Variants in NTM observed in about 807,000 individuals in gnomAD.
The protein encoded by NTM is IgLON family member 2.
A neutral mutation model predicts 42.1 loss-of-function variants in NTM; 13 were observed. That is an observed-to-expected ratio of 0.31 (90% confidence interval 0.20 to 0.49). NTM has a LOEUF of 0.49. NTM is among the 20% of genes least tolerant of loss of function. NTM has a pLI of 0.99. For synonymous variants in NTM, 187 were observed against 179.2 expected (o/e 1.04, Z -0.35); for missense variants, 373 against 452.8 (o/e 0.82, Z 1.60).
At chr11:131,548,401 C>T (rs1385265279) in intron 1 of NTM, among the ~76,000 whole-genome samples, 1 of 152,054 alleles carries the variant, frequency 6.6e-6, no homozygotes, top group East Asian at 1.9e-4. Flanking sequence ...TTTTAAAAAG[C>T]CTATCTCCCT....
At chr11:131,517,825 A>G (rs1023828257) in intron 1 of NTM, among the ~76,000 whole-genome samples, 2 of 151,908 alleles carry the variant, frequency 1.3e-5, no homozygotes, top group South Asian at 4.2e-4. Context: ...TTGCTTTCTC[A>G]TTACCCACCC....
intron 1 of NTM, among the ~76,000 whole-genome samples, chr11:131,391,696 G>A (rs938055027): frequency 7.3e-5 from 11 of 151,180 alleles, no homozygotes; most frequent in African/African-American, 2.2e-4. Flanking sequence ...GATTGGGTGC[G>A]GGAGGAGAGG....
At chr11:132,285,660 C>CTA (rs1450723867) in intron 4 of NTM, among the ~76,000 whole-genome samples, 2 of 152,152 alleles carry the variant, frequency 1.3e-5, no homozygotes, top group Non-Finnish European at 2.9e-5. Context: ...ATCAAATTGG[C>CTA]AATATGAGTT....
chr11:132,191,296 G>A (rs2079279291), intron 3 of NTM, among the ~76,000 whole-genome samples: 1 of 152,124 alleles, frequency 6.6e-6, no homozygotes, highest in Non-Finnish European at 1.5e-5. Context: ...CAGTGATCTG[G>A]GAGCACCTCG....
intron 1 of NTM, among the ~76,000 whole-genome samples, chr11:131,509,249 C>CAG (rs2047929248): frequency 1.3e-5 from 2 of 152,070 alleles, no homozygotes; most frequent in Non-Finnish European, 2.9e-5. Context: ...TTTGGGGTTG[C>CAG]TTATGGGCTA....
chr11:131,476,353 G>T (rs1952940106), intron 1 of NTM, among the ~76,000 whole-genome samples: 1 of 152,194 alleles, frequency 6.6e-6, no homozygotes, highest in Admixed American at 6.5e-5. Context: ...GTAGCAGCAG[G>T]ACCCCAGCTA....
intron 1 of NTM, among the ~76,000 whole-genome samples, chr11:131,836,895 T>C (rs1364119531): frequency 6.6e-6 from 1 of 152,158 alleles, no homozygotes; most frequent in Non-Finnish European, 1.5e-5. Context: ...GTCAGTTTGA[T>C]TTTGCTCCTG....
intron 2 of NTM, among the ~76,000 whole-genome samples, chr11:131,917,877 C>T (rs189360503): frequency 7.7e-4 from 117 of 152,166 alleles, no homozygotes; most frequent in African/African-American, 2.7e-3. Flanking sequence ...GTTGAGGAGC[C>T]AAAAACTAAA....
Position 131,973,553 on chromosome 11 carries a change from C to A in NTM, c.167+61905C>A, listed in dbSNP as rs185270323. Among the ~76,000 whole-genome samples the A allele has an allele frequency of 3.0e-3, 455 of 152,350 alleles. 1 individual carries two copies. The highest frequency in any genetic ancestry group is 6.4e-3 in the South Asian group (31 of 4,826). On this transcript the variant is annotated intron_variant, in intron 2 of 8. Coordinates refer to ENST00000683400, the MANE Select transcript of NTM (RefSeq NM_001352005.2). Reference sequence around the variant, plus strand: ...AACTGGCACAGGCCAGGCGCTGTGGCTCATGCCGATAATCCCAGCACCTTG... The same window carrying A: ...AACTGGCACAGGCCAGGCGCTGTGGATCATGCCGATAATCCCAGCACCTTG...
chr11:132,061,799 G>A (rs1251172514), intron 2 of NTM, among the ~76,000 whole-genome samples: 3 of 152,094 alleles, frequency 2.0e-5, no homozygotes, highest in Admixed American at 1.3e-4. Flanking sequence ...TGTGCCAGAA[G>A]GGTCACAAAC....
At chr11:131,515,238 T>G (rs1024293835) in intron 1 of NTM, among the ~76,000 whole-genome samples, 36 of 152,050 alleles carry the variant, frequency 2.4e-4, no homozygotes, top group Admixed American at 2.3e-3. Context: ...ATTCTGGATT[T>G]GTACCAAGAA....
intron 3 of NTM, among the ~76,000 whole-genome samples, chr11:132,152,331 GA>G (rs1335937395): frequency 3.3e-5 from 5 of 152,110 alleles, no homozygotes; most frequent in Non-Finnish European, 5.9e-5. Context: ...GATCCAATTC[GA>G]AATAGACTGA....
At chr11:132,138,243 A>ACC (rs2068333308) in intron 2 of NTM, among the ~76,000 whole-genome samples, 1 of 152,204 alleles carries the variant, frequency 6.6e-6, no homozygotes. Flanking sequence ...ACAAAAAGAT[A>ACC]AAGCATGGAC....
intron 1 of NTM, among the ~76,000 whole-genome samples, chr11:131,386,013 T>C (rs1157206803): frequency 6.6e-6 from 1 of 152,204 alleles, no homozygotes; most frequent in Non-Finnish European, 1.5e-5. Flanking sequence ...CAAACAGGTA[T>C]TTATACATGA....
chr11:132,138,604 A>ATCTG (rs1419127229), intron 2 of NTM, among the ~76,000 whole-genome samples: 1 of 55,306 alleles, frequency 1.8e-5, no homozygotes, highest in African/African-American at 5.1e-5. Flanking sequence ...CTATCTATCT[A>ATCTG]TCTATCTATC....
At chr11:131,999,874 A>G (rs982425804) in intron 2 of NTM, among the ~76,000 whole-genome samples, 4 of 152,176 alleles carry the variant, frequency 2.6e-5, no homozygotes, top group Admixed American at 1.3e-4. Flanking sequence ...GACAGGCTTT[A>G]TACATCTCTG....
At chr11:132,319,440 G>A (rs558189266) in intron 7 of NTM, among the ~76,000 whole-genome samples, 6 of 152,288 alleles carry the variant, frequency 3.9e-5, no homozygotes, top group South Asian at 2.1e-4. Context: ...CTTTTCCAAC[G>A]GGCTTAAAAA....
chr11:131,982,570 T>G (rs773072925), intron 2 of NTM, among the ~76,000 whole-genome samples: 31 of 152,252 alleles, frequency 2.0e-4, no homozygotes, highest in Non-Finnish European at 2.8e-4. Context: ...TTTCTGGGTC[T>G]GTCCCGTGTA....
chr11:131,491,162 A>C (rs1954741595), intron 1 of NTM, among the ~76,000 whole-genome samples: 1 of 152,196 alleles, frequency 6.6e-6, no homozygotes, highest in Admixed American at 6.5e-5. Flanking sequence ...CTATAACGTT[A>C]CCAATCATGA....
Sources: allele counts gnomAD v4.1 joint callset (sites outside exome capture counted in the v4.1 genomes callset), GRCh38; gene constraint gnomAD v4.1.1; transcripts MANE v1.5; gene names NCBI Gene and HGNC (gene_info 2026-07-23, HGNC 2026-07-21).